Variants in TICRR observed in about 807,000 individuals in gnomAD.
The protein encoded by TICRR is TOPBP1 interacting checkpoint and replication regulator.
Under a neutral mutation model 178.1 loss-of-function variants are expected in TICRR, and 132 were observed. That is an observed-to-expected ratio of 0.74 (90% CI 0.64 to 0.86). The LOEUF (loss-of-function observed/expected upper bound fraction) is 0.86. TICRR is among the 40% of genes least tolerant of loss of function. TICRR has a pLI of 0.00. For synonymous variants in TICRR, 991 were observed against 900.7 expected, an observed-to-expected ratio of 1.10 and a Z score of -1.79; for missense variants, 2,587 against 2,334.3, an observed-to-expected ratio of 1.11 and a Z score of -2.23.
intron 13 of TICRR, 65 bp downstream of exon 13, chr15:89,602,957 T>G: frequency 1.2e-6 from 1 of 825,240 alleles, no homozygotes; most frequent in Non-Finnish European, 1.7e-6. Context: ...GTCCCTACTT[T>G]TAGGAAAATG....
chr15:89,613,914 G>C (rs1473017483), intron 15 of TICRR, among the ~76,000 whole-genome samples: 1 of 151,972 alleles, frequency 6.6e-6, no homozygotes, highest in Non-Finnish European at 1.5e-5. Context: ...CAGCACTTTG[G>C]GAGGCCAAGG....
At chr15:89,612,039 T>C (rs1486291991) in intron 15 of TICRR, among the ~76,000 whole-genome samples, 1 of 152,252 alleles carries the variant, frequency 6.6e-6, no homozygotes, top group African/African-American at 2.4e-5. Flanking sequence ...TTTCTTTGTA[T>C]ACTTCGTAGT....
chr15:89,622,050 G>A (rs1334278510), intron 19 of TICRR, among the ~76,000 whole-genome samples: 2 of 138,756 alleles, frequency 1.4e-5, no homozygotes, highest in Non-Finnish European at 3.0e-5. Flanking sequence ...GCAGTGGCAC[G>A]ATCTCAGCTC....
At position 89,599,378 on chromosome 15, in the gene TICRR, C is replaced by A; in HGVS notation, c.1955C>A (p.Thr652Asn). The A allele has an allele frequency of 1.2e-6, 2 of 1,613,582 alleles. No homozygotes were observed. The highest frequency in any genetic ancestry group is 1.7e-6 in the Non-Finnish European group (2 of 1,179,742). The change falls in exon 8 of 22, where the codon ACT becomes AAT. Residue 652 changes from threonine (T) to asparagine (N), a missense_variant. By Grantham distance (65) the Thr-to-Asn change is moderately conservative (BLOSUM62 0). Transcript: ENST00000268138. Reference protein sequence around the residue: ...LSYIRENYQKTVATGEIMLYA... With the variant: ...LSYIRENYQKNVATGEIMLYA... ...TATATACGTGAAAATTACCAAAAGACTGTGGCCACAGGAGAAATCATGTTG... is the reference window on the plus strand; with the variant it reads ...TATATACGTGAAAATTACCAAAAGAATGTGGCCACAGGAGAAATCATGTTG...
intron 7 of TICRR, among the ~76,000 whole-genome samples, chr15:89,598,982 G>T (rs1464223563): frequency 6.6e-6 from 1 of 152,132 alleles, no homozygotes. Flanking sequence ...CTGCACTCCA[G>T]CCTGATTGTC....
intron 7 of TICRR, among the ~76,000 whole-genome samples, chr15:89,597,942 C>T (rs1296652726): frequency 6.6e-6 from 1 of 152,122 alleles, no homozygotes; most frequent in Non-Finnish European, 1.5e-5. Context: ...AGATCTTATA[C>T]AAATTTTGTT....
At chr15:89,612,971 TTACAAA>T (rs1271959349) in intron 15 of TICRR, among the ~76,000 whole-genome samples, 11 of 152,326 alleles carry the variant, frequency 7.2e-5, no homozygotes, top group Non-Finnish European at 1.5e-4. Flanking sequence ...GGGGGAACAG[TTACAAA>T]TAAAAAACAC....
chr15:89,586,214 C>G (rs528414553), intron 4 of TICRR, among the ~76,000 whole-genome samples: 2 of 152,128 alleles, frequency 1.3e-5, no homozygotes, highest in Non-Finnish European at 2.9e-5. Flanking sequence ...TGTAGTGATT[C>G]TGTCTACCCT....
rs868062880 is a variant in TICRR, at chr15:89,585,799, G to A, written c.1268G>A (p.Arg423His). The change falls in exon 4 of 22, where the codon CGC (arginine) becomes CAC (histidine). Residue 423 changes from arginine to histidine, a missense_variant. Transcript: ENST00000268138. ...SASAMILTVCRTKEAEFQRHV... is the reference protein window; with the variant it reads ...SASAMILTVCHTKEAEFQRHV... ...AGTGCTATGATCCTCACTGTGTGCC[G>A]CACCAAGGAGGCTGAATTTCAACGA... 14 of 1,613,952 alleles carry A rather than the reference G, an allele frequency of 8.7e-6. No homozygotes were observed. The highest frequency in any genetic ancestry group is 4.4e-5 in the South Asian group (4 of 91,066).
chr15:89,625,208 C>A lies in TICRR; in HGVS notation c.4898C>A (p.Thr1633Lys). The A allele has an allele frequency of 6.2e-7, 1 of 1,613,756 alleles. No individual in the cohort carries two copies. Among genetic ancestry groups the A allele is most frequent in the Non-Finnish European group, 8.5e-7 (1 of 1,179,858 alleles). Residue 1633 changes from threonine (T) to lysine (K), a missense_variant, in exon 20 of 22, where the codon ACA becomes AAA. Transcript: ENST00000268138. ...SPPCPRLSHS[T>K]PGKSRGQTYI... ...CCCTGCCCCCGCCTCTCCCACAGCA[C>A]ACCTGGCAAGAGCAGGGGGCAAACC...
intron 15 of TICRR, among the ~76,000 whole-genome samples, chr15:89,610,315 C>T (rs1596052875): frequency 6.6e-6 from 1 of 152,142 alleles, no homozygotes; most frequent in African/African-American, 2.4e-5. Context: ...ATTAAAGTCT[C>T]CAGCTATTAT....
At chr15:89,576,848 TATATATATATATACAC>T (rs1962629153) in intron 1 of TICRR, among the ~76,000 whole-genome samples, 1 of 125,876 alleles carries the variant, frequency 7.9e-6, no homozygotes, top group Non-Finnish European at 1.7e-5. Flanking sequence ...TATATATATA[TATATATATATATACAC>T]ACACACACAT....
chr15:89,585,743 C>G lies in TICRR; in HGVS notation c.1212C>G (p.Pro404=), dbSNP rs1946789544. 6.2e-7 allele frequency: 1 copy of G among 1,614,136 alleles called. No individual in the cohort carries two copies. Among genetic ancestry groups the G allele is most frequent in the South Asian group, 1.1e-5 (1 of 91,080 alleles). ...TGGACCCTGGTGAAGGCCGGCCCCC[C>G]ATCACTGGAGTTATTTCCCCACTCT... ...ADVDPGEGRP[P]ITGVISPLSA... The change falls in exon 4 of 22, where the codon CCC becomes CCG. Residue 404 remains proline (P), a synonymous_variant. Coordinates refer to ENST00000268138, the MANE Select transcript of TICRR (RefSeq NM_152259.4).
At chr15:89,584,671 T>C in intron 3 of TICRR, 144 bp downstream of exon 3, 1 of 822,292 alleles carries the variant, frequency 1.2e-6, no homozygotes, top group South Asian at 3.6e-5. Flanking sequence ...CATTATAGTA[T>C]CATGACAGCA....
Position 89,594,473 on chromosome 15 carries a change from A to G in TICRR, c.1600A>G (p.Ile534Val). ...GTCTTCCAAAACTGAAGGCGAATTA[A>G]TACATTGCCTTGCCGAGCTCTACCA... ...EESSKTEGEL[I>V]HCLAELYQRK... is the part of the protein sequence containing the mutation. Residue 534 changes from isoleucine (I) to valine (V), a missense_variant, in exon 6 of 22, where the codon ATA becomes GTA. Ile to Val is a conservative substitution (Grantham distance 29, BLOSUM62 3). Coordinates refer to ENST00000268138, the MANE Select transcript of TICRR (RefSeq NM_152259.4). 1 of 1,613,038 alleles carries G rather than the reference A, an allele frequency of 6.2e-7. No homozygotes were observed. The highest frequency in any genetic ancestry group is 8.5e-7 in the Non-Finnish European group (1 of 1,179,456).
chr15:89,588,125 C>T (rs1596041645), intron 4 of TICRR, among the ~76,000 whole-genome samples: 1 of 152,020 alleles, frequency 6.6e-6, no homozygotes, highest in Non-Finnish European at 1.5e-5. Context: ...GGTTCTCTTC[C>T]GATTGCTTCA....
rs1962963744 is a variant in TICRR at position 89,594,490 on chromosome 15, G to A, written c.1617G>A (p.Glu539=). 6.2e-7 allele frequency: 1 copy of A among 1,613,198 alleles called. No individual in the cohort carries two copies. The highest frequency in any genetic ancestry group is 2.2e-5 in the East Asian group (1 of 44,830). The change falls in exon 6 of 22, where the codon GAG becomes GAA. Residue 539 remains glutamate (E), a synonymous_variant. Coordinates refer to ENST00000268138, the MANE Select transcript of TICRR (RefSeq NM_152259.4). ...TEGELIHCLA[E]LYQRKSREES... ...GCGAATTAATACATTGCCTTGCCGA[G>A]CTCTACCAGAGAAAATCTCGTGAAG...
intron 5 of TICRR, among the ~76,000 whole-genome samples, chr15:89,592,520 TACTTAAAGAAGTATTTGCAG>T (rs1962930007): frequency 1.3e-5 from 2 of 152,214 alleles, no homozygotes; most frequent in Non-Finnish European, 2.9e-5. Context: ...GCTGAATTTA[TACTTAAAGAAGTATTTGCAG>T]ACCGTTTTTG....
At chr15:89,596,287 ATCTC>A (rs1313816398) in intron 7 of TICRR, among the ~76,000 whole-genome samples, 2 of 151,934 alleles carry the variant, frequency 1.3e-5, no homozygotes, top group Non-Finnish European at 1.5e-5. Flanking sequence ...TATGCCTTCC[ATCTC>A]TCTCTCTTTA....
Sources: gnomAD v4.1 joint callset for allele counts (sites outside exome capture counted in the v4.1 genomes callset) on GRCh38, gnomAD v4.1.1 for gene constraint, MANE v1.5 for transcripts, NCBI Gene and HGNC (gene_info 2026-07-23, HGNC 2026-07-21) for gene names.